Variants in MDN1 observed in about 807,000 individuals in gnomAD.
MDN1 encodes midasin AAA ATPase 1.
Under a neutral mutation model 669.2 loss-of-function variants are expected in MDN1, and 266 were observed. The observed-to-expected ratio is 0.40, with a 90% CI of 0.36 to 0.44. MDN1 has a LOEUF of 0.44. Ranked by LOEUF, MDN1 falls within the 20% of genes least tolerant of loss-of-function variation. The pLI is 1.00. For synonymous variants in MDN1, 2,385 were observed against 2,457.1 expected, an observed-to-expected ratio of 0.97 and a Z score of 0.87; for missense variants, 5,940 against 6,754.0, an observed-to-expected ratio of 0.88 and a Z score of 4.22.
chr6:89,813,053 G>A (rs958866973), intron 1 of MDN1, among the ~76,000 whole-genome samples: 1 of 151,904 alleles, frequency 6.6e-6, no homozygotes. Flanking sequence ...AGATTCTCCT[G>A]CCTCAGCCTC....
At chr6:89,764,022 T>C (rs905152543) in intron 15 of MDN1, among the ~76,000 whole-genome samples, 1 of 152,004 alleles carries the variant, frequency 6.6e-6, no homozygotes, top group Non-Finnish European at 1.5e-5. Flanking sequence ...TGAGACCAGA[T>C]TGGGTAACAA....
In MDN1 at chr6:89,745,313, A is replaced by G. The variant is rs1238347683; in HGVS notation, c.4138T>C (p.Leu1380=). ...AGCAGCACAGGTTCACCAAATTCCA[A>G]TGCCCTTCCCACTAGCATCGCGAGT... The part of the protein sequence containing the change: ...RRLAMLVGRA[L]EFGEPVLLVG... Residue 1380 remains leucine (L), a synonymous_variant, in exon 29 of 102, where the codon TTG becomes CTG. Transcript: ENST00000369393. 1.9e-6 allele frequency: 3 copies of G among 1,613,902 alleles called. No homozygotes were observed. The highest frequency in any genetic ancestry group is 3.3e-5 in the Admixed American group (2 of 60,012).
intron 83 of MDN1, 24 bp downstream of exon 83, chr6:89,670,895 G>A (rs543242986): frequency 6.2e-7 from 1 of 1,607,890 alleles, no homozygotes; most frequent in Non-Finnish European, 8.5e-7. Context: ...GCTGCTCACA[G>A]TGCACCATGT....
At chr6:89,744,218 G>A (rs1248855269) in intron 29 of MDN1, among the ~76,000 whole-genome samples, 1 of 148,550 alleles carries the variant, frequency 6.7e-6, no homozygotes, top group Non-Finnish European at 1.5e-5. Context: ...CTCTACACAC[G>A]TATAGAATGA....
At chr6:89,668,190 A>G (rs763305747) in intron 83 of MDN1, 39 bp from the exon 84 acceptor site, 5 of 1,608,114 alleles carry the variant, frequency 3.1e-6, no homozygotes, top group South Asian at 1.1e-5. Context: ...ATTAGGCACA[A>G]AAGCAATTTT....
At chr6:89,787,772 C>T in intron 8 of MDN1, 82 bp downstream of exon 8, 1 of 1,022,462 alleles carries the variant, frequency 9.8e-7, no homozygotes. Context: ...CCAGAGAACT[C>T]TATTACAGGA....
intron 8 of MDN1, 78 bp from the exon 9 acceptor site, chr6:89,785,204 C>G (rs1818894803): frequency 1.1e-6 from 1 of 924,544 alleles, no homozygotes; most frequent in African/African-American, 1.6e-5. Flanking sequence ...ATATTACTTG[C>G]TGTACACTGT....
chr6:89,730,491 A>T (rs1160289616), intron 35 of MDN1, among the ~76,000 whole-genome samples: 1 of 152,242 alleles, frequency 6.6e-6, no homozygotes, highest in African/African-American at 2.4e-5. Context: ...ATAAAAAAAT[A>T]AGCACTGTAT....
At chr6:89,752,259 G>A (rs1816995581) in intron 22 of MDN1, among the ~76,000 whole-genome samples, 3 of 152,140 alleles carry the variant, frequency 2.0e-5, no homozygotes, top group Admixed American at 1.3e-4. Context: ...AATAGGGGGA[G>A]GGGAGGAAGG....
intron 36 of MDN1, among the ~76,000 whole-genome samples, chr6:89,728,188 T>C (rs1448034403): frequency 6.6e-6 from 1 of 152,024 alleles, no homozygotes; most frequent in Non-Finnish European, 1.5e-5. Flanking sequence ...TGCTCTAGAT[T>C]AACAGTTCTC....
chr6:89,652,433 A>G (rs1808944741), intron 94 of MDN1, 152 bp from the exon 95 acceptor site: 1 of 648,242 alleles, frequency 1.5e-6, no homozygotes, highest in Non-Finnish European at 2.7e-6. Context: ...CAGTGGCACA[A>G]TGAGAAGATG....
chr6:89,739,181 C>T (rs2026635), intron 32 of MDN1, among the ~76,000 whole-genome samples: 127,328 of 152,174 alleles, frequency 0.84, 53,496 homozygotes, highest in East Asian at 1. Context: ...CCAGTACCTC[C>T]GGTGTCCAGC....
Position 89,687,012 on chromosome 6 carries a change from A to G in MDN1, c.11462T>C (p.Met3821Thr), listed in dbSNP as rs141586262. 40 of 1,612,966 alleles carry G rather than the reference A, an allele frequency of 2.5e-5. No individual in the cohort carries two copies. In the African/African-American group the frequency reaches 3.5e-4, roughly 14 times the overall value. ...WRKLELNCWSMSLDNTMKRHT... is the reference protein window; with the variant it reads ...WRKLELNCWSTSLDNTMKRHT... ...GCGCTTCATAGTATTATCCAAACTC[A>G]TGGACCAGCAGCTGAAACGAGAAGA... Residue 3821 changes from methionine (M) to threonine (T), a missense_variant, in exon 69 of 102, where the codon ATG becomes ACG. Around this residue, in one of 5 missense-constraint regions of MDN1, gnomAD observed 2,280 missense variants for 2,576.3 expected, o/e 0.88. Coordinates refer to ENST00000369393, the MANE Select transcript of MDN1 (RefSeq NM_014611.3).
rs770974535 is a variant in MDN1 at position 89,819,627 on chromosome 6, G to C, written c.-20C>G. 2 of 1,594,322 alleles carry C rather than the reference G, an allele frequency of 1.3e-6. No individual in the cohort carries two copies. The highest frequency in any genetic ancestry group is 1.3e-5 in the African/African-American group (1 of 74,898). ...CTCCATGACCCAGGGCCCTCACCCC[G>C]AGCGGCCACCTGCGCTCCCTACTTC... On this transcript the variant is annotated 5_prime_UTR_variant, in exon 1 of 102. Transcript: ENST00000369393.
chr6:89,662,527 T>C (rs959100829), intron 86 of MDN1, among the ~76,000 whole-genome samples: 1 of 152,032 alleles, frequency 6.6e-6, no homozygotes, highest in Non-Finnish European at 1.5e-5. Flanking sequence ...CTGGAAAAAA[T>C]CAGTGGCCTA....
intron 2 of MDN1, among the ~76,000 whole-genome samples, chr6:89,802,550 G>T (rs544058213): frequency 6.6e-6 from 1 of 151,982 alleles, no homozygotes; most frequent in Non-Finnish European, 1.5e-5. Flanking sequence ...GGGCGTGGTG[G>T]TGTGCGCGCC....
At chr6:89,670,477 GA>G (rs891289228) in intron 83 of MDN1, among the ~76,000 whole-genome samples, 2 of 151,788 alleles carry the variant, frequency 1.3e-5, no homozygotes, top group African/African-American at 4.8e-5. Flanking sequence ...CACAACAGGC[GA>G]AAAACACTCT....
intron 51 of MDN1, among the ~76,000 whole-genome samples, chr6:89,707,724 A>C (rs1235815602): frequency 6.6e-6 from 1 of 152,200 alleles, no homozygotes; most frequent in Non-Finnish European, 1.5e-5. Flanking sequence ...ACGATCTGAC[A>C]AACTGCACCG....
chr6:89,719,720 G>A (rs779895129), intron 40 of MDN1, among the ~76,000 whole-genome samples: 2 of 152,044 alleles, frequency 1.3e-5, no homozygotes, highest in Non-Finnish European at 2.9e-5. Context: ...ATTTTATATA[G>A]ACAACAGCAC....
Sources: gnomAD v4.1 joint callset for allele counts (sites outside exome capture counted in the v4.1 genomes callset) on GRCh38, gnomAD v4.1.1 for gene constraint, gnomAD v4.1.1 regional missense constraint, MANE v1.5 for transcripts, NCBI Gene and HGNC (gene_info 2026-07-23, HGNC 2026-07-21) for gene names.